PABPC4L: variants seen among roughly 807,000 people sequenced by gnomAD.
The protein encoded by PABPC4L is poly(A) binding protein cytoplasmic 4 like, also known as polyadenylate-binding protein 4-like.
For synonymous variants in PABPC4L, 169 were observed against 164.1 expected, an observed-to-expected ratio of 1.03 and a Z score of -0.23; for missense variants, 452 against 451.4, an observed-to-expected ratio of 1.00 and a Z score of -0.01.
the PABPC4L span, among the ~76,000 whole-genome samples, chr4:134,089,605 A>G: frequency 6.6e-6 from 1 of 152,116 alleles, no homozygotes; most frequent in Non-Finnish European, 1.5e-5. Flanking sequence ...ACAGGTTTGT[A>G]TGTATAGGAA....
At chr4:134,159,077 A>G in the PABPC4L span, among the ~76,000 whole-genome samples, 2 of 152,312 alleles carry the variant, frequency 1.3e-5, no homozygotes, top group South Asian at 4.1e-4. Flanking sequence ...TCATGAATGA[A>G]GCTTATAGAA....
At chr4:134,068,236 T>C in the PABPC4L span, among the ~76,000 whole-genome samples, 1 of 152,228 alleles carries the variant, frequency 6.6e-6, no homozygotes, top group Non-Finnish European at 1.5e-5. Flanking sequence ...TTAACATAGT[T>C]AGGTCTTTTT....
At chr4:134,168,508 A>C in the PABPC4L span, among the ~76,000 whole-genome samples, 1 of 151,902 alleles carries the variant, frequency 6.6e-6, no homozygotes, top group Non-Finnish European at 1.5e-5. Context: ...AAACAAAATT[A>C]ACAAACATTT....
chr4:133,977,969 C>A, the PABPC4L span: 1 of 152,192 alleles, frequency 6.6e-6, no homozygotes, highest in Non-Finnish European at 1.5e-5. Context: ...CACTTACCTT[C>A]TTGCTCAAGG....
chr4:133,949,751 G>GTAGTGGACTGTGA, the PABPC4L span, among the ~76,000 whole-genome samples: 2 of 152,132 alleles, frequency 1.3e-5, no homozygotes, highest in Admixed American at 1.3e-4. Context: ...CAGGCTGGAA[G>GTAGTGGACTGTGA]TAGTGGACTG....
chr4:134,062,502 T>C, the PABPC4L span, among the ~76,000 whole-genome samples: 1 of 151,872 alleles, frequency 6.6e-6, no homozygotes, highest in Non-Finnish European at 1.5e-5. Context: ...TGTGCTAGCA[T>C]GTAAAAAAAA....
At chr4:134,166,737 T>C in the PABPC4L span, among the ~76,000 whole-genome samples, 1 of 152,146 alleles carries the variant, frequency 6.6e-6, no homozygotes, top group African/African-American at 2.4e-5. Context: ...TTTTGTCCCT[T>C]CCTATTCATT....
chr4:134,177,281 A>G, the PABPC4L span, among the ~76,000 whole-genome samples: 1 of 149,024 alleles, frequency 6.7e-6, no homozygotes, highest in Non-Finnish European at 1.5e-5. Flanking sequence ...CCTGGGTTCA[A>G]TTCTCCTGCT....
At chr4:133,980,044 G>A in the PABPC4L span, among the ~76,000 whole-genome samples, 1 of 151,904 alleles carries the variant, frequency 6.6e-6, no homozygotes, top group Non-Finnish European at 1.5e-5. Flanking sequence ...GTCATACTAG[G>A]TACATGTTTT....
chr4:134,014,061 A>G, the PABPC4L span, among the ~76,000 whole-genome samples: 1 of 152,068 alleles, frequency 6.6e-6, no homozygotes, highest in South Asian at 2.1e-4. Flanking sequence ...GCTCTTTTTC[A>G]TCAAACATAA....
chr4:134,013,057 G>C, the PABPC4L span, among the ~76,000 whole-genome samples: 1 of 151,978 alleles, frequency 6.6e-6, no homozygotes, highest in Non-Finnish European at 1.5e-5. Flanking sequence ...TGCCTGCCTT[G>C]GTCCTTCACC....
At chr4:134,009,305 G>A in the PABPC4L span, among the ~76,000 whole-genome samples, 1 of 151,864 alleles carries the variant, frequency 6.6e-6, no homozygotes, top group Non-Finnish European at 1.5e-5. Flanking sequence ...GCACAATACA[G>A]ATTTGAACAT....
At chr4:134,042,259 G>A in the PABPC4L span, among the ~76,000 whole-genome samples, 2 of 152,060 alleles carry the variant, frequency 1.3e-5, no homozygotes, top group East Asian at 1.9e-4. Flanking sequence ...GCAAAGGCAT[G>A]CAGAGTGGTA....
At chr4:133,995,416 G>A in the PABPC4L span, among the ~76,000 whole-genome samples, 1 of 152,130 alleles carries the variant, frequency 6.6e-6, no homozygotes, top group African/African-American at 2.4e-5. Context: ...TCCCCAGACT[G>A]GGGCTGCCTT....
the PABPC4L span, among the ~76,000 whole-genome samples, chr4:134,088,196 C>A: frequency 6.6e-6 from 1 of 151,984 alleles, no homozygotes; most frequent in Non-Finnish European, 1.5e-5. Flanking sequence ...CTCCTTAGAG[C>A]CCTCCTCTCC....
chr4:134,184,741 T>G, the PABPC4L span, among the ~76,000 whole-genome samples: 1 of 152,072 alleles, frequency 6.6e-6, no homozygotes, highest in Non-Finnish European at 1.5e-5. Flanking sequence ...GGTAGAAATA[T>G]GTTTAGTTAT....
At chr4:134,004,458 T>C in the PABPC4L span, among the ~76,000 whole-genome samples, 1 of 151,802 alleles carries the variant, frequency 6.6e-6, no homozygotes, top group Non-Finnish European at 1.5e-5. Flanking sequence ...TTCACATTCA[T>C]AATAATAGCT....
the PABPC4L span, among the ~76,000 whole-genome samples, chr4:134,007,195 T>C: frequency 6.6e-6 from 1 of 152,008 alleles, no homozygotes; most frequent in East Asian, 1.9e-4. Flanking sequence ...ATGAGTCATC[T>C]ATTCCCAACT....
chr4:134,044,101 T>G, the PABPC4L span, among the ~76,000 whole-genome samples: 1 of 151,884 alleles, frequency 6.6e-6, no homozygotes, highest in African/African-American at 2.4e-5. Flanking sequence ...ACAGCCATGC[T>G]AATTTTTTTG....
Sources: allele counts gnomAD v4.1 joint callset (sites outside exome capture counted in the v4.1 genomes callset), GRCh38; gene constraint gnomAD v4.1.1; transcripts MANE v1.5; gene names NCBI Gene and HGNC (gene_info 2026-07-23, HGNC 2026-07-21).